The following CADPS variants were observed in gnomAD, a reference collection of about 807,000 sequenced individuals.
CADPS encodes calcium dependent secretion activator, also known as calcium-dependent secretion activator 1.
A neutral mutation model predicts 167.3 loss-of-function variants in CADPS; 57 were observed. The ratio of observed to expected loss-of-function variants is 0.34; its 90% CI spans 0.28 to 0.42. CADPS has a LOEUF of 0.42. Ranked by LOEUF, CADPS falls within the 20% of genes least tolerant of loss-of-function variation. The pLI is 1.00. For missense variants in CADPS, 1,414 were observed against 1,738.1 expected, an observed-to-expected ratio of 0.81 and a Z score of 3.32; for synonymous variants, 676 against 635.3, an observed-to-expected ratio of 1.06 and a Z score of -0.96.
At chr3:62,522,952 A>G (rs2071076606) in intron 13 of CADPS, among the ~76,000 whole-genome samples, 1 of 152,166 alleles carries the variant, frequency 6.6e-6, no homozygotes, top group South Asian at 2.1e-4. Flanking sequence ...AGCAGACTAT[A>G]TCGCATCTGA....
intron 9 of CADPS, among the ~76,000 whole-genome samples, chr3:62,562,668 G>C (rs970346966): frequency 6.6e-6 from 1 of 152,134 alleles, no homozygotes; most frequent in South Asian, 2.1e-4. Context: ...GTGCATGCAG[G>C]CCATTCATTG....
chr3:62,756,057 C>CTTTTTT (rs59705571), intron 2 of CADPS, among the ~76,000 whole-genome samples: 1 of 142,076 alleles, frequency 7.0e-6, no homozygotes, highest in Non-Finnish European at 1.5e-5. Context: ...TTTTCTTTTT[C>CTTTTTT]TTTTTTTTTT....
intron 1 of CADPS, among the ~76,000 whole-genome samples, chr3:62,795,302 C>T (rs2093328100): frequency 6.6e-6 from 1 of 151,984 alleles, no homozygotes. Context: ...CACTACAACC[C>T]TTTCATCACC....
chr3:62,727,467 A>C (rs1163656671), intron 3 of CADPS, among the ~76,000 whole-genome samples: 3 of 151,808 alleles, frequency 2.0e-5, no homozygotes, highest in Non-Finnish European at 4.4e-5. Context: ...CCCAATACCC[A>C]CCTTTTCTCT....
chr3:62,689,868 A>AG lies in CADPS; in HGVS notation c.889-27475dup, dbSNP rs576773052. ...TTTCAAAAGGTGACAATGAGAGATG[A>AG]GGGGGGGCGGCGTTCTAGCAGGAGA... On this transcript the variant is annotated intron_variant, in intron 3 of 29. Coordinates refer to ENST00000383710, the MANE Select transcript of CADPS (RefSeq NM_003716.4). Among the ~76,000 whole-genome samples, 108 of 152,054 alleles carry AG rather than the reference A, an allele frequency of 7.1e-4. 2 individuals are homozygous for AG. In the South Asian group the frequency reaches 0.014, roughly 19 times the overall value.
chr3:62,408,534 T>G (rs2048336477), intron 28 of CADPS, among the ~76,000 whole-genome samples: 1 of 152,154 alleles, frequency 6.6e-6, no homozygotes, highest in Non-Finnish European at 1.5e-5. Flanking sequence ...TACTGGACAT[T>G]ATAGGATTCA....
At chr3:62,471,615 C>T (rs1380931835) in intron 24 of CADPS, among the ~76,000 whole-genome samples, 4 of 151,984 alleles carry the variant, frequency 2.6e-5, no homozygotes, top group Admixed American at 6.6e-5. Flanking sequence ...TGAAACATGG[C>T]CGTCATTGAA....
At chr3:62,776,672 A>G (rs917366759) in intron 1 of CADPS, among the ~76,000 whole-genome samples, 1 of 152,074 alleles carries the variant, frequency 6.6e-6, no homozygotes, top group African/African-American at 2.4e-5. Flanking sequence ...AACAACAACA[A>G]CAACAAAAGC....
chr3:62,620,662 G>T (rs1435367698), intron 6 of CADPS, among the ~76,000 whole-genome samples: 1 of 152,192 alleles, frequency 6.6e-6, no homozygotes, highest in Non-Finnish European at 1.5e-5. Context: ...TTCAAGCCCA[G>T]TTTGACTTCA....
intron 6 of CADPS, among the ~76,000 whole-genome samples, chr3:62,615,302 G>A (rs766223692): frequency 1.3e-5 from 2 of 152,122 alleles, no homozygotes; most frequent in Non-Finnish European, 2.9e-5. Flanking sequence ...TGGGCACATT[G>A]GAACAGTGAC....
intron 3 of CADPS, among the ~76,000 whole-genome samples, chr3:62,705,656 A>G (rs13088156): frequency 0.079 from 12,065 of 152,104 alleles, 629 homozygotes; most frequent in Non-Finnish European, 0.12. Context: ...TCCTGTGCTG[A>G]ATGCTTCCTG....
At chr3:62,555,793 T>G (rs1395160371) in intron 10 of CADPS, among the ~76,000 whole-genome samples, 1 of 152,122 alleles carries the variant, frequency 6.6e-6, no homozygotes, top group Non-Finnish European at 1.5e-5. Context: ...CAGGATGGAG[T>G]GCAGCAGTGC....
At chr3:62,479,129 T>C (rs1315086327) in intron 22 of CADPS, among the ~76,000 whole-genome samples, 1 of 152,210 alleles carries the variant, frequency 6.6e-6, no homozygotes, top group Non-Finnish European at 1.5e-5. Context: ...GTCAATGCTT[T>C]AGGGCTCAAA....
chr3:62,641,698 T>G (rs1289001163), intron 6 of CADPS, among the ~76,000 whole-genome samples: 1 of 152,068 alleles, frequency 6.6e-6, no homozygotes, highest in Non-Finnish European at 1.5e-5. Flanking sequence ...AACTTGATCG[T>G]ATATTCTCCT....
At chr3:62,640,584 C>T (rs1008644606) in intron 6 of CADPS, among the ~76,000 whole-genome samples, 1 of 152,182 alleles carries the variant, frequency 6.6e-6, no homozygotes, top group Non-Finnish European at 1.5e-5. Flanking sequence ...TTCTCATTCC[C>T]TTGGAAAATA....
Position 62,516,132 on chromosome 3 carries a change from T to C in CADPS, c.2508A>G (p.Thr836=). 4 of 1,613,364 alleles carry C rather than the reference T, an allele frequency of 2.5e-6. No individual in the cohort carries two copies. In the Middle Eastern group the frequency reaches 5.0e-4, roughly 200 times the overall value. Residue 836 remains threonine (T), a synonymous_variant, in exon 16 of 30, where the codon ACA becomes ACG. Coordinates refer to ENST00000383710, the MANE Select transcript of CADPS (RefSeq NM_003716.4). The part of the protein sequence containing the change: ...VTPVPQEEVK[T]VIRKCLEQAA... ...CCTGTTCCAGACATTTACGGATAAC[T>C]GTTTTTACCTCCTCTTGTGGCACTG...
At chr3:62,547,591 C>CCCT (rs1357005732) in intron 11 of CADPS, among the ~76,000 whole-genome samples, 1 of 83,710 alleles carries the variant, frequency 1.2e-5, no homozygotes, top group African/African-American at 5.8e-5. Flanking sequence ...TTTACGCCCC[C>CCCT]CCCCCCCCGC....
At chr3:62,743,258 A>G (rs1239646583) in intron 3 of CADPS, among the ~76,000 whole-genome samples, 1 of 152,206 alleles carries the variant, frequency 6.6e-6, no homozygotes, top group Non-Finnish European at 1.5e-5. Flanking sequence ...TTTAGGGGTT[A>G]ACAAACTGCA....
chr3:62,564,300 C>G (rs1390578367), intron 9 of CADPS, among the ~76,000 whole-genome samples: 2 of 152,164 alleles, frequency 1.3e-5, no homozygotes, highest in African/African-American at 4.8e-5. Flanking sequence ...CGTGCCTGGC[C>G]TGTGTTAGGT....
Sources: gnomAD v4.1 joint callset for allele counts (sites outside exome capture counted in the v4.1 genomes callset) on GRCh38, gnomAD v4.1.1 for gene constraint, MANE v1.5 for transcripts, NCBI Gene and HGNC (gene_info 2026-07-23, HGNC 2026-07-21) for gene names.